The following AGBL4 variants were observed in gnomAD, a reference collection of about 807,000 sequenced individuals.
The protein encoded by AGBL4 is cytosolic carboxypeptidase 6.
In AGBL4, 58 loss-of-function variants were observed where a neutral mutation model predicts 66.4. The ratio of observed to expected loss-of-function variants is 0.87; its 90% CI spans 0.71 to 1.09. The LOEUF (loss-of-function observed/expected upper bound fraction) is 1.09, where lower values mean the gene tolerates loss of function less well. Ranked by LOEUF, AGBL4 falls within the 50% of genes least tolerant of loss-of-function variation. The pLI is 0.00. For synonymous variants in AGBL4, 234 were observed against 222.9 expected (o/e 1.05, Z -0.44); for missense variants, 579 against 631.0 (o/e 0.92, Z 0.88).
chr1:48,595,961 G>A (rs1315750092), intron 9 of AGBL4, among the ~76,000 whole-genome samples: 1 of 152,228 alleles, frequency 6.6e-6, no homozygotes, highest in Non-Finnish European at 1.5e-5. Flanking sequence ...GTTTGGAGAC[G>A]CCATGGGGAA....
intron 3 of AGBL4, among the ~76,000 whole-genome samples, chr1:49,658,873 G>T (rs1321496738): frequency 2.0e-5 from 3 of 151,958 alleles, no homozygotes; most frequent in Admixed American, 6.6e-5. Flanking sequence ...TGGGGGAATG[G>T]GGGGAGGGAT....
chr1:49,385,365 G>C (rs1196380541), intron 3 of AGBL4, among the ~76,000 whole-genome samples: 1 of 151,602 alleles, frequency 6.6e-6, no homozygotes, highest in Non-Finnish European at 1.5e-5. Context: ...CTACATTCTT[G>C]TGTTCTTTTT....
chr1:49,509,697 A>T (rs1649028348), intron 3 of AGBL4, among the ~76,000 whole-genome samples: 3 of 152,018 alleles, frequency 2.0e-5, no homozygotes, highest in Non-Finnish European at 4.4e-5. Context: ...ATTCATAGCT[A>T]AACTGCCTTA....
At chr1:49,816,816 A>C (rs570703554) in intron 2 of AGBL4, among the ~76,000 whole-genome samples, 1 of 152,328 alleles carries the variant, frequency 6.6e-6, no homozygotes, top group East Asian at 1.9e-4. Flanking sequence ...GCTGTGGTCA[A>C]GAAATGGCTC....
At chr1:48,523,804 A>T in the AGBL4 span, among the ~76,000 whole-genome samples, 1 of 152,202 alleles carries the variant, frequency 6.6e-6, no homozygotes, top group Non-Finnish European at 1.5e-5. Flanking sequence ...TTGTGTGAAC[A>T]TCATAGAATG....
intron 1 of AGBL4, among the ~76,000 whole-genome samples, chr1:50,019,524 T>C (rs1431687406): frequency 1.3e-5 from 2 of 151,948 alleles, no homozygotes; most frequent in African/African-American, 2.4e-5. Context: ...TATCAAACAA[T>C]ATTCTCATTT....
chr1:49,917,045 T>C (rs1267191720), intron 1 of AGBL4, among the ~76,000 whole-genome samples: 2 of 152,186 alleles, frequency 1.3e-5, no homozygotes, highest in Admixed American at 6.5e-5. Flanking sequence ...TGAGAGATTT[T>C]GTCACCACCA....
At chr1:49,874,182 A>C (rs1646912008) in intron 1 of AGBL4, among the ~76,000 whole-genome samples, 1 of 152,128 alleles carries the variant, frequency 6.6e-6, no homozygotes, top group Non-Finnish European at 1.5e-5. Context: ...AATGAACCTT[A>C]TCCTGTCCCT....
chr1:49,351,425 A>G (rs1643904585), intron 3 of AGBL4, among the ~76,000 whole-genome samples: 1 of 152,082 alleles, frequency 6.6e-6, no homozygotes, highest in Admixed American at 6.6e-5. Flanking sequence ...TATAGGGAGT[A>G]TACTCTCTGT....
At chr1:49,685,904 G>C (rs146898599) in intron 3 of AGBL4, among the ~76,000 whole-genome samples, 118 of 152,202 alleles carry the variant, frequency 7.8e-4, no homozygotes, top group African/African-American at 2.6e-3. Flanking sequence ...AGTTTAATTA[G>C]GTCCCATTTG....
At chr1:49,592,870 C>T (rs769012161) in intron 3 of AGBL4, among the ~76,000 whole-genome samples, 20 of 152,074 alleles carry the variant, frequency 1.3e-4, no homozygotes, top group African/African-American at 3.4e-4. Context: ...CCTTTGACCC[C>T]GCAATTCCAT....
intron 3 of AGBL4, among the ~76,000 whole-genome samples, chr1:49,522,817 C>T (rs564365140): frequency 2.6e-5 from 4 of 152,148 alleles, no homozygotes; most frequent in African/African-American, 4.8e-5. Context: ...AGCATGAGCA[C>T]GGATCAGGTA....
At chr1:49,304,358 T>G (rs1168067999) in intron 3 of AGBL4, among the ~76,000 whole-genome samples, 1 of 152,226 alleles carries the variant, frequency 6.6e-6, no homozygotes, top group African/African-American at 2.4e-5. Context: ...TTTAAAAATA[T>G]CACTTTTAAC....
chr1:48,598,988 G>GT (rs1244358753), intron 9 of AGBL4, among the ~76,000 whole-genome samples: 5 of 151,752 alleles, frequency 3.3e-5, no homozygotes, highest in East Asian at 3.9e-4. Flanking sequence ...TAAATTATGG[G>GT]TTTTTTTAAT....
At chr1:48,982,193 C>G (rs1659826584) in intron 5 of AGBL4, among the ~76,000 whole-genome samples, 1 of 152,074 alleles carries the variant, frequency 6.6e-6, no homozygotes, top group South Asian at 2.1e-4. Context: ...GCTGTGGTGC[C>G]AACTAAGGAA....
At chr1:49,851,258 T>G (rs567253170) in intron 2 of AGBL4, 138 bp downstream of exon 2, 133 of 997,358 alleles carry the variant, frequency 1.3e-4, no homozygotes, top group South Asian at 2.0e-4. Context: ...CTTCAAAATT[T>G]TTTCCCATAA....
chr1:49,209,212 C>A (rs1468406432), intron 4 of AGBL4, among the ~76,000 whole-genome samples: 7 of 152,062 alleles, frequency 4.6e-5, no homozygotes. Context: ...CATCTCATTT[C>A]ACATAAATGA....
intron 3 of AGBL4, among the ~76,000 whole-genome samples, chr1:49,432,394 C>G (rs1180297286): frequency 6.6e-6 from 1 of 152,142 alleles, no homozygotes. Context: ...GGAATAAAAA[C>G]TCTCTTCCTC....
At chr1:49,979,989 T>C (rs1272733879) in intron 1 of AGBL4, among the ~76,000 whole-genome samples, 2 of 152,346 alleles carry the variant, frequency 1.3e-5, no homozygotes, top group Admixed American at 6.5e-5. Flanking sequence ...GTATTATAAA[T>C]GTATTTTCTC....
Sources: gnomAD v4.1 joint callset for allele counts (sites outside exome capture counted in the v4.1 genomes callset) on GRCh38, gnomAD v4.1.1 for gene constraint, MANE v1.5 for transcripts, NCBI Gene and HGNC (gene_info 2026-07-23, HGNC 2026-07-21) for gene names.